The following SYNE1 variants were observed in gnomAD, a reference collection of about 807,000 sequenced individuals.
SYNE1 encodes the protein spectrin repeat containing nuclear envelope protein 1.
SYNE1 carries 616 observed loss-of-function variants against 1,111.0 expected under a neutral mutation model. The ratio of observed to expected loss-of-function variants is 0.55; its 90% CI spans 0.52 to 0.59. SYNE1 has a LOEUF of 0.59. Among genes scored for constraint, SYNE1 ranks in the 20% least tolerant of loss-of-function variants. The pLI is 0.00. For synonymous variants in SYNE1, 3,855 were observed against 3,825.8 expected, an observed-to-expected ratio of 1.01 and a Z score of -0.28; for missense variants, 10,006 against 10,417.0, an observed-to-expected ratio of 0.96 and a Z score of 1.72.
intron 57 of SYNE1, 29 bp from the exon 58 acceptor site, chr6:152,376,587 C>A (rs772224432): frequency 3.7e-6 from 6 of 1,611,064 alleles, no homozygotes; most frequent in South Asian, 1.1e-5. Flanking sequence ...AATTTAATGG[C>A]AGGAAAAAGC....
At chr6:152,138,818 A>C (rs192601777) in intron 140 of SYNE1, among the ~76,000 whole-genome samples, 161 of 152,254 alleles carry the variant, frequency 1.1e-3, no homozygotes, top group African/African-American at 3.6e-3. Context: ...CCATATATTA[A>C]AGCATTTTAG....
chr6:152,353,726 T>A lies in SYNE1; in HGVS notation c.10945A>T (p.Thr3649Ser), dbSNP rs748739832. 6.2e-7 allele frequency: 1 copy of A among 1,614,084 alleles called. No homozygotes were observed. The highest frequency in any genetic ancestry group is 8.5e-7 in the Non-Finnish European group (1 of 1,180,030). The part of the protein sequence containing the change: ...HQMKKWHEEV[T>S]AYRDEVEEVG... ...TCCTCAACTTCATCTCTGTATGCAG[T>A]CACTTCTTCGTGCCACTTCTGAAAT... The change falls in exon 68 of 146, where the codon ACT (threonine) becomes TCT (serine). Residue 3649 changes from threonine (T) to serine (S), a missense_variant. Physicochemically the swap from Thr to Ser is moderately conservative, Grantham distance 58 (BLOSUM62 1). Around this residue, in one of 7 missense-constraint regions of SYNE1, gnomAD observed 4,955 missense variants for 5,017.2 expected, o/e 0.99. Transcript: ENST00000367255.
chr6:152,505,825 A>AT (rs66653179), intron 8 of SYNE1, among the ~76,000 whole-genome samples: 78,867 of 151,744 alleles, frequency 0.52, 22,184 homozygotes, highest in East Asian at 0.76. Flanking sequence ...TAACCACTGT[A>AT]AATTTTTGTA....
chr6:152,578,250 C>T (rs2099507936), intron 3 of SYNE1, among the ~76,000 whole-genome samples: 1 of 152,058 alleles, frequency 6.6e-6, no homozygotes. Context: ...ACACCTTCAC[C>T]CGGTCTGCCC....
At chr6:152,505,117 T>C (rs1336288512) in intron 9 of SYNE1, 84 bp downstream of exon 9, 1 of 1,480,748 alleles carries the variant, frequency 6.8e-7, no homozygotes, top group Non-Finnish European at 9.4e-7. Context: ...CAATAGAATC[T>C]TGGAAGTCAT....
chr6:152,578,003 G>A (rs949230134), intron 3 of SYNE1, among the ~76,000 whole-genome samples: 1 of 152,034 alleles, frequency 6.6e-6, no homozygotes, highest in Non-Finnish European at 1.5e-5. Flanking sequence ...GTGTTTTTGT[G>A]AGTGTGGGAG....
chr6:152,236,497 TA>T (rs1331528661), intron 109 of SYNE1, among the ~76,000 whole-genome samples, 194 bp from the exon 110 acceptor site: 13 of 150,918 alleles, frequency 8.6e-5, no homozygotes, highest in Admixed American at 2.7e-4. Flanking sequence ...TGTTGTTTAT[TA>T]TTTTTTTTTT....
At chr6:152,636,232 G>GTTCAACGCCCTAGAATCT (rs2099705751) in intron 2 of SYNE1, among the ~76,000 whole-genome samples, 1 of 152,054 alleles carries the variant, frequency 6.6e-6, no homozygotes, top group Non-Finnish European at 1.5e-5. Flanking sequence ...GTCAGGGGGT[G>GTTCAACGCCCTAGAATCT]GAGGAAGGGA....
At position 152,337,438 on chromosome 6, in the gene SYNE1, C is replaced by A. The variant is rs57786888; in HGVS notation, c.12352-421G>T. Among the ~76,000 whole-genome samples, 8 of 152,218 alleles carry A rather than the reference C, an allele frequency of 5.3e-5. No homozygotes were observed. In the East Asian group the frequency reaches 1.5e-3, roughly 29 times the overall value. On this transcript the variant is annotated intron_variant, in intron 75 of 145. Transcript: ENST00000367255. ...CTGAGTAGCTGGGATTACAGGCTTG[C>A]GCCGTCACACCCAACTAATTTTGTA...
intron 56 of SYNE1, among the ~76,000 whole-genome samples, chr6:152,380,057 G>A (rs184242214): frequency 1.3e-5 from 2 of 152,176 alleles, no homozygotes; most frequent in Admixed American, 1.3e-4. Flanking sequence ...GACAGGAAAT[G>A]GAACAGAATA....
At chr6:152,248,522 A>G (rs966128761) in intron 105 of SYNE1, among the ~76,000 whole-genome samples, 2 of 152,000 alleles carry the variant, frequency 1.3e-5, no homozygotes. Flanking sequence ...TAGTTTATAG[A>G]ATAAAGTCCA....
At chr6:152,187,973 G>A (rs1180671639) in intron 128 of SYNE1, among the ~76,000 whole-genome samples, 3 of 152,104 alleles carry the variant, frequency 2.0e-5, no homozygotes, top group Non-Finnish European at 4.4e-5. Flanking sequence ...TGATCCACCC[G>A]CCTCAGCCTC....
chr6:152,402,302 C>A (rs974624264), intron 46 of SYNE1: 2 of 152,308 alleles, frequency 1.3e-5, no homozygotes, highest in Admixed American at 6.5e-5. Flanking sequence ...TTCTTTGGCT[C>A]TTTACTTTCT....
chr6:152,453,481 T>C, intron 25 of SYNE1, 105 bp downstream of exon 25: 1 of 1,563,152 alleles, frequency 6.4e-7, no homozygotes, highest in Non-Finnish European at 8.8e-7. Flanking sequence ...ATAGTTACAG[T>C]GACTTTCCAG....
rs113782356 is a variant in SYNE1, at chr6:152,523,083, TA to T, written c.226-2542del. Among the ~76,000 whole-genome samples, 203 of 152,236 alleles carry T rather than the reference TA, an allele frequency of 1.3e-3. 1 individual carries two copies. Among genetic ancestry groups the T allele is most frequent in the African/African-American group, 4.5e-3 (188 of 41,566 alleles). ...TAGGTCCATTTATCTATTTCTATTT[TA>T]GTTGCATTTGCTCTTAGGGTCTTAG... On this transcript the variant is annotated intron_variant, in intron 5 of 145. Transcript: ENST00000367255.
chr6:152,360,774 AATT>A (rs1364737954), intron 64 of SYNE1, among the ~76,000 whole-genome samples: 1 of 152,226 alleles, frequency 6.6e-6, no homozygotes, highest in Non-Finnish European at 1.5e-5. Context: ...TGAAGCAGAT[AATT>A]ATAATTATAT....
At chr6:152,338,182 C>T (rs2096448638) in intron 75 of SYNE1, among the ~76,000 whole-genome samples, 2 of 151,952 alleles carry the variant, frequency 1.3e-5, no homozygotes, top group South Asian at 2.1e-4. Context: ...TGGGTTACAT[C>T]GTCTTTTGTA....
intron 3 of SYNE1, among the ~76,000 whole-genome samples, chr6:152,606,039 T>G (rs1215909344): frequency 6.6e-6 from 1 of 152,160 alleles, no homozygotes; most frequent in African/African-American, 2.4e-5. Context: ...TAGAGTATGT[T>G]AACATTACAA....
chr6:152,539,431 A>C (rs971463827), intron 4 of SYNE1, among the ~76,000 whole-genome samples: 1 of 152,214 alleles, frequency 6.6e-6, no homozygotes, highest in South Asian at 2.1e-4. Context: ...ATATATAGAC[A>C]TATAGTCACC....
Sources: allele counts gnomAD v4.1 joint callset (sites outside exome capture counted in the v4.1 genomes callset), GRCh38; gene constraint gnomAD v4.1.1; regional missense constraint gnomAD v4.1.1; transcripts MANE v1.5; gene names NCBI Gene and HGNC (gene_info 2026-07-23, HGNC 2026-07-21).